The following PKD1L1 variants were observed in gnomAD, a reference collection of about 807,000 sequenced individuals.
PKD1L1 encodes polycystin-1-like protein 1.
A neutral mutation model predicts 323.4 loss-of-function variants in PKD1L1; 236 were observed. That is an observed-to-expected ratio of 0.73 (90% CI 0.66 to 0.81). The LOEUF is 0.81. Ranked by LOEUF, PKD1L1 falls within the 40% of genes least tolerant of loss-of-function variation. The pLI is 0.00. For missense variants in PKD1L1, 3,320 were observed against 3,508.0 expected, an observed-to-expected ratio of 0.95 and a Z score of 1.35; for synonymous variants, 1,344 against 1,335.0, an observed-to-expected ratio of 1.01 and a Z score of -0.15.
chr7:47,940,973 T>C (rs1423079045), intron 2 of PKD1L1, among the ~76,000 whole-genome samples: 4 of 152,236 alleles, frequency 2.6e-5, no homozygotes. Flanking sequence ...TGAGTGTTTG[T>C]GATGCCATTC....
intron 40 of PKD1L1, among the ~76,000 whole-genome samples, chr7:47,833,864 G>A (rs988125862): frequency 1.3e-5 from 2 of 152,182 alleles, no homozygotes; most frequent in African/African-American, 2.4e-5. Context: ...CAACTGCCCC[G>A]TGTCACAGGC....
At chr7:47,820,540 C>G (rs1341266216) in intron 46 of PKD1L1, among the ~76,000 whole-genome samples, 2 of 152,144 alleles carry the variant, frequency 1.3e-5, no homozygotes, top group African/African-American at 2.4e-5. Context: ...GCCTGACGAA[C>G]ATGGTGAAAC....
chr7:47,947,763 C>T (rs990752577), intron 1 of PKD1L1, among the ~76,000 whole-genome samples: 8 of 152,106 alleles, frequency 5.3e-5, no homozygotes, highest in East Asian at 1.9e-4. Flanking sequence ...GTCAGGAGAT[C>T]GAGACCATCC....
chr7:47,847,887 A>C (rs535144063), intron 31 of PKD1L1, among the ~76,000 whole-genome samples: 2 of 152,324 alleles, frequency 1.3e-5, no homozygotes, highest in Middle Eastern at 3.4e-3. Context: ...TTACTATTTT[A>C]AAAATAGCCC....
Position 47,800,643 on chromosome 7 carries a change from A to G in PKD1L1, c.8193+6T>C. On this transcript the variant is annotated splice_donor_region_variant and intron_variant, in intron 54 of 56. Coordinates refer to ENST00000289672, the MANE Select transcript of PKD1L1 (RefSeq NM_138295.5). ...TAACTTGAAAGTTGGGGATGTGTTT[A>G]CTTACCATTCCAAAACACAGTGTGG... 6.2e-7 allele frequency: 1 copy of G among 1,611,686 alleles called. No individual in the cohort carries two copies. The highest frequency in any genetic ancestry group is 8.5e-7 in the Non-Finnish European group (1 of 1,177,724).
intron 24 of PKD1L1, 146 bp from the exon 25 acceptor site, chr7:47,866,760 T>C: frequency 1.6e-6 from 1 of 624,720 alleles, no homozygotes; most frequent in Non-Finnish European, 2.7e-6. Flanking sequence ...GGAGAATTGG[T>C]CTGTGCAACG....
chr7:47,959,699 G>A, the PKD1L1 span, among the ~76,000 whole-genome samples: 2 of 138,792 alleles, frequency 1.4e-5, no homozygotes, highest in African/African-American at 2.6e-5. Context: ...AGGGAGGTGG[G>A]GGGGTCAGCC....
At position 47,882,042 on chromosome 7, in the gene PKD1L1, G is replaced by A. The variant is rs149119298; in HGVS notation, c.3309C>T (p.Ala1103=). The A allele has an allele frequency of 6.7e-4, 1,076 of 1,613,820 alleles. 7 individuals carry two copies. The African/African-American group carries it at 0.012, about 19-fold the overall frequency. Residue 1103 remains alanine, a synonymous_variant, in exon 20 of 57, where the codon GCC becomes GCT. Coordinates refer to ENST00000289672, the MANE Select transcript of PKD1L1 (RefSeq NM_138295.5). ...TATCCCCATCTCCAGGGCTCTCCTC[G>A]GCACTCAAGCTAGGTCCTGATCCTG... is the stretch of plus-strand genomic sequence containing the variant. ...SFPGSGPSLS[A]EESPGDGDNL...
intron 45 of PKD1L1, among the ~76,000 whole-genome samples, chr7:47,824,516 C>T (rs2128733407): frequency 6.6e-6 from 1 of 152,276 alleles, no homozygotes; most frequent in South Asian, 2.1e-4. Flanking sequence ...TCTTTTCCGT[C>T]CTTAGAGACT....
chr7:47,959,668 A>C, the PKD1L1 span, among the ~76,000 whole-genome samples: 5 of 122,162 alleles, frequency 4.1e-5, no homozygotes, highest in Non-Finnish European at 7.4e-5. Context: ...AGCCCCCGCC[A>C]GGCCAGCCGC....
intron 55 of PKD1L1, chr7:47,795,590 T>C (rs1442039830): frequency 5.9e-6 from 2 of 341,140 alleles, no homozygotes; most frequent in African/African-American, 2.2e-5. Flanking sequence ...ATGTCTGGGG[T>C]GACTGAACTC....
At chr7:47,881,868 G>T in intron 20 of PKD1L1, 41 bp downstream of exon 20, 2 of 1,522,300 alleles carry the variant, frequency 1.3e-6, no homozygotes, top group Non-Finnish European at 1.8e-6. Context: ...AAAAGCTTCA[G>T]AAACACTGCA....
chr7:47,861,698 C>T (rs559220736), intron 26 of PKD1L1, among the ~76,000 whole-genome samples: 1 of 151,870 alleles, frequency 6.6e-6, no homozygotes, highest in Non-Finnish European at 1.5e-5. Context: ...CTGGCTAACA[C>T]AGTGAAATCC....
At chr7:47,834,844 C>G (rs184542367) in intron 39 of PKD1L1, 123 bp downstream of exon 39, 3 of 774,472 alleles carry the variant, frequency 3.9e-6, no homozygotes, top group East Asian at 5.2e-5. Context: ...TTAAATGATG[C>G]TCAATGTTAC....
chr7:47,833,000 C>T, intron 41 of PKD1L1, 90 bp downstream of exon 41: 2 of 1,469,142 alleles, frequency 1.4e-6, no homozygotes, highest in Non-Finnish European at 1.8e-6. Flanking sequence ...ACATTTGGCC[C>T]AATTGTGACT....
chr7:47,796,338 T>C (rs1024564832), intron 54 of PKD1L1, among the ~76,000 whole-genome samples, 188 bp from the exon 55 acceptor site: 1 of 152,188 alleles, frequency 6.6e-6, no homozygotes, highest in Admixed American at 6.5e-5. Flanking sequence ...TTGAACTAAA[T>C]GGCAGTAAGA....
Position 47,946,484 on chromosome 7 carries a change from C to G in PKD1L1, c.44+1913G>C, listed in dbSNP as rs1020468153. Among the ~76,000 whole-genome samples the G allele has an allele frequency of 1.5e-5, 2 of 129,432 alleles. No individual in the cohort carries two copies. The highest frequency in any genetic ancestry group is 3.4e-5 in the Non-Finnish European group (2 of 58,292). 84.9% of individuals were successfully genotyped at this position (129,432 alleles called of 152,430 possible). On this transcript the variant is annotated intron_variant, in intron 1 of 56. Transcript: ENST00000289672. The surrounding 1 kb of genome is among the most constrained non-coding windows in gnomAD (Gnocchi z 4.1). The stretch of plus-strand genomic sequence containing the variant: ...CCACACACACATCGCACACACCACA[C>G]ACCACGCACCACACAAACACACCAT...
intron 24 of PKD1L1, among the ~76,000 whole-genome samples, chr7:47,867,900 T>G (rs1038283485): frequency 1.3e-5 from 2 of 152,160 alleles, no homozygotes; most frequent in East Asian, 1.9e-4. Flanking sequence ...TAATAGAGAT[T>G]ATAAATAACA....
At chr7:47,880,280 A>T (rs1435946990) in intron 21 of PKD1L1, among the ~76,000 whole-genome samples, 4,374 of 70,352 alleles carry the variant, frequency 0.062, 283 homozygotes, top group African/African-American at 0.082. Context: ...ATATATATAT[A>T]TATATTTTTT....
Sources: gnomAD v4.1 joint callset for allele counts (sites outside exome capture counted in the v4.1 genomes callset) on GRCh38, gnomAD v4.1.1 for gene constraint, Gnocchi (gnomAD v3.1) non-coding constraint, MANE v1.5 for transcripts, NCBI Gene and HGNC (gene_info 2026-07-23, HGNC 2026-07-21) for gene names.